The following PKP2 variants were observed in gnomAD, a reference collection of about 807,000 sequenced individuals.
The protein encoded by PKP2 is plakophilin-2.
PKP2 carries 73 observed loss-of-function variants against 83.4 expected under a neutral mutation model. The ratio of observed to expected loss-of-function variants is 0.88; its 90% CI spans 0.72 to 1.06. The LOEUF is 1.06. PKP2 is among the 50% of genes least tolerant of loss of function. The pLI, the probability that PKP2 is intolerant of heterozygous loss-of-function variation, is 0.00. For missense variants in PKP2, 966 were observed against 1,065.4 expected (o/e 0.91, Z 1.30); for synonymous variants, 409 against 430.4 (o/e 0.95, Z 0.62).
At chr12:32,796,393 CT>C in intron 10 of PKP2, 95 bp from the exon 11 acceptor site, 3 of 1,156,674 alleles carry the variant, frequency 2.6e-6, no homozygotes, top group Non-Finnish European at 2.5e-6. Context: ...CATTCTTTTT[CT>C]TTTTTTGAGA....
intron 3 of PKP2, among the ~76,000 whole-genome samples, chr12:32,871,468 T>A (rs906991159): frequency 5.9e-5 from 9 of 151,912 alleles, no homozygotes; most frequent in African/African-American, 1.9e-4. Flanking sequence ...GCTAATTTTT[T>A]TTTTTTATTT....
chr12:32,862,884 A>C (rs1452039322), intron 4 of PKP2, among the ~76,000 whole-genome samples: 2 of 152,002 alleles, frequency 1.3e-5, no homozygotes, highest in African/African-American at 2.4e-5. Flanking sequence ...CTGTAATTCC[A>C]GCTATTCGGG....
At chr12:32,865,687 A>AAAAAAAAAAAAAAAAAAAAAAAAAAC in intron 4 of PKP2, among the ~76,000 whole-genome samples, 1 of 151,550 alleles carries the variant, frequency 6.6e-6, no homozygotes, top group African/African-American at 2.4e-5. Flanking sequence ...GTCTCAAAAA[A>AAAAAAAAAAAAAAAAAAAAAAAAAAC]AAAAAGACAA....
intron 2 of PKP2, 120 bp from the exon 3 acceptor site, chr12:32,878,663 G>GT (rs1405774201): frequency 1.1e-6 from 1 of 886,854 alleles, no homozygotes; most frequent in Non-Finnish European, 1.8e-6. Context: ...ATGACGAGAA[G>GT]TTTGCCCCTT....
At chr12:32,880,650 C>G (rs752191719) in intron 1 of PKP2, among the ~76,000 whole-genome samples, 4 of 152,170 alleles carry the variant, frequency 2.6e-5, no homozygotes, top group Non-Finnish European at 2.9e-5. Flanking sequence ...GCCCTTTGTG[C>G]TCAGCTCTGT....
chr12:32,855,794 A>AAAAAAAAAAAAAAAAAAAAAAAG (rs1459718298), intron 4 of PKP2, among the ~76,000 whole-genome samples: 1 of 148,286 alleles, frequency 6.7e-6, no homozygotes, highest in African/African-American at 2.6e-5. Context: ...AAAAAAAAAA[A>AAAAAAAAAAAAAAAAAAAAAAAG]AGGAAGAAAA....
At chr12:32,882,850 T>C (rs575839534) in intron 1 of PKP2, among the ~76,000 whole-genome samples, 61 of 152,342 alleles carry the variant, frequency 4.0e-4, no homozygotes, top group Admixed American at 1.8e-3. Flanking sequence ...TAAATCAACC[T>C]GGGTTCCTCC....
At chr12:32,795,092 A>AAC (rs746772553) in intron 11 of PKP2, among the ~76,000 whole-genome samples, 2 of 152,206 alleles carry the variant, frequency 1.3e-5, no homozygotes, top group Non-Finnish European at 2.9e-5. Flanking sequence ...AGAATTGTAT[A>AAC]AAGAGAAAAA....
At chr12:32,876,006 C>A (rs1235315056) in intron 3 of PKP2, among the ~76,000 whole-genome samples, 1 of 152,124 alleles carries the variant, frequency 6.6e-6, no homozygotes, top group Non-Finnish European at 1.5e-5. Flanking sequence ...AGAAGGGTTA[C>A]TGAAGATGCC....
intron 2 of PKP2, 45 bp downstream of exon 2, chr12:32,878,875 A>C: frequency 1.0e-6 from 1 of 987,646 alleles, no homozygotes; most frequent in Non-Finnish European, 1.6e-6. Flanking sequence ...AAATATTTTC[A>C]TGGTAGTAAT....
intron 4 of PKP2, among the ~76,000 whole-genome samples, chr12:32,857,804 A>C (rs571712810): frequency 6.6e-6 from 1 of 151,914 alleles, no homozygotes; most frequent in African/African-American, 2.4e-5. Context: ...GTATAAGCAA[A>C]ATGATATTTT....
intron 6 of PKP2, among the ~76,000 whole-genome samples, chr12:32,825,162 C>CTTTTTTTTTTTT (rs10607965): frequency 1.3e-5 from 1 of 76,854 alleles, no homozygotes; most frequent in Non-Finnish European, 2.3e-5. Context: ...AGATCAGTTT[C>CTTTTTTTTTTTT]TTTTTTTTTT....
intron 4 of PKP2, among the ~76,000 whole-genome samples, chr12:32,851,906 G>A (rs1269500865): frequency 1.3e-5 from 2 of 152,102 alleles, no homozygotes; most frequent in African/African-American, 4.8e-5. Flanking sequence ...ATCCAAATAC[G>A]TAAGAAAGCG....
At chr12:32,801,760 CATTT>C (rs1956181024) in intron 10 of PKP2, among the ~76,000 whole-genome samples, 2 of 150,436 alleles carry the variant, frequency 1.3e-5, no homozygotes, top group Admixed American at 1.3e-4. Flanking sequence ...ATACAACAAA[CATTT>C]ATCACATACT....
chr12:32,832,846 C>G (rs1371554655), intron 6 of PKP2, among the ~76,000 whole-genome samples: 1 of 152,022 alleles, frequency 6.6e-6, no homozygotes, highest in African/African-American at 2.4e-5. Context: ...AAAATTAGAC[C>G]CTGATTTAAT....
At chr12:32,883,842 T>C (rs1565601229) in intron 1 of PKP2, among the ~76,000 whole-genome samples, 1 of 152,130 alleles carries the variant, frequency 6.6e-6, no homozygotes, top group African/African-American at 2.4e-5. Context: ...GCTTTCAAAA[T>C]TGTGAAGTGA....
Position 32,802,536 on chromosome 12 carries a change from C to CT in PKP2, c.2033dup (p.Thr679AspfsTer20). On this transcript the variant is annotated frameshift_variant, in exon 10 of 13. Transcript: ENST00000340811. LOFTEE classifies it high-confidence loss of function. ...GGCCACTTTCCTTCTGGACAACTGT[C>CT]TGAGCCACTGATGTCGGCATCTGTT... 6.2e-7 allele frequency: 1 copy of CT among 1,614,130 alleles called. No individual in the cohort carries two copies. Among genetic ancestry groups the CT allele is most frequent in the Non-Finnish European group, 8.5e-7 (1 of 1,179,980 alleles).
Position 32,855,139 on chromosome 12 carries a change from A to G in PKP2, c.1171-4166T>C, listed in dbSNP as rs143187774. 1.7e-3 allele frequency among the ~76,000 whole-genome samples: 253 copies of G among 152,352 alleles called. 1 individual carries two copies. The highest frequency in any genetic ancestry group is 5.8e-3 in the African/African-American group (243 of 41,586). The stretch of plus-strand genomic sequence containing the variant: ...TTCACTTCTAGTAACTTTTATTGGG[A>G]AACAATGTGAAATGAAGACACAGAC... On this transcript the variant is annotated intron_variant, in intron 4 of 12. Coordinates refer to ENST00000340811, the MANE Select transcript of PKP2 (RefSeq NM_001005242.3).
At chr12:32,867,491 A>C (rs961461522) in intron 4 of PKP2, among the ~76,000 whole-genome samples, 1 of 152,202 alleles carries the variant, frequency 6.6e-6, no homozygotes, top group Non-Finnish European at 1.5e-5. Context: ...AAACCTGTCA[A>C]AACTATGTCA....
Sources: allele counts gnomAD v4.1 joint callset (sites outside exome capture counted in the v4.1 genomes callset), GRCh38; gene constraint gnomAD v4.1.1; transcripts MANE v1.5; gene names NCBI Gene and HGNC (gene_info 2026-07-23, HGNC 2026-07-21).